The following PPARGC1B variants were observed in gnomAD, a reference collection of about 807,000 sequenced individuals.
PPARGC1B encodes PPARG coactivator 1 beta.
Under a neutral mutation model 101.6 loss-of-function variants are expected in PPARGC1B, and 34 were observed. That is an observed-to-expected ratio of 0.33 (90% CI 0.25 to 0.45). PPARGC1B has a LOEUF of 0.45. Ranked by LOEUF, PPARGC1B falls within the 20% of genes least tolerant of loss-of-function variation. PPARGC1B has a pLI of 1.00. For missense variants in PPARGC1B, 1,234 were observed against 1,317.6 expected, an observed-to-expected ratio of 0.94 and a Z score of 0.98; for synonymous variants, 548 against 539.3, an observed-to-expected ratio of 1.02 and a Z score of -0.22.
At chr5:149,813,506 A>G (rs1757938117) in intron 1 of PPARGC1B, among the ~76,000 whole-genome samples, 1 of 152,168 alleles carries the variant, frequency 6.6e-6, no homozygotes, top group Admixed American at 6.5e-5. Flanking sequence ...AGTTGACAGA[A>G]AAGAATTGGG....
intron 1 of PPARGC1B, among the ~76,000 whole-genome samples, chr5:149,757,784 G>T (rs1017854582): frequency 1.3e-5 from 2 of 152,360 alleles, no homozygotes; most frequent in East Asian, 1.9e-4. Context: ...CAGGGTCATG[G>T]TGCAGAGAAA....
At chr5:149,783,223 A>G (rs771658017) in intron 1 of PPARGC1B, among the ~76,000 whole-genome samples, 2 of 152,214 alleles carry the variant, frequency 1.3e-5, no homozygotes, top group African/African-American at 2.4e-5. Context: ...GCAGCCATCA[A>G]TGGAATGATA....
At chr5:149,755,575 G>A (rs1440633313) in intron 1 of PPARGC1B, among the ~76,000 whole-genome samples, 10 of 150,758 alleles carry the variant, frequency 6.6e-5, no homozygotes, top group Admixed American at 2.0e-4. Flanking sequence ...AGTCCTTCTT[G>A]TCTGCTGTAG....
intron 3 of PPARGC1B, among the ~76,000 whole-genome samples, chr5:149,828,659 A>G (rs1758623591): frequency 1.3e-5 from 2 of 152,274 alleles, no homozygotes; most frequent in Admixed American, 1.3e-4. Flanking sequence ...CATTCCCTAC[A>G]TGCTTATTGA....
At chr5:149,732,237 C>T (rs1477504893) in intron 1 of PPARGC1B, among the ~76,000 whole-genome samples, 3 of 152,168 alleles carry the variant, frequency 2.0e-5, no homozygotes, top group African/African-American at 7.2e-5. Context: ...TTGGGGCTAG[C>T]GGGCACTGAG....
intron 1 of PPARGC1B, among the ~76,000 whole-genome samples, chr5:149,819,422 A>G (rs191895196): frequency 6.6e-6 from 1 of 152,144 alleles, no homozygotes; most frequent in African/African-American, 2.4e-5. Context: ...GAGAACACAC[A>G]GATCTTCCTC....
At chr5:149,771,109 C>T (rs956794488) in intron 1 of PPARGC1B, among the ~76,000 whole-genome samples, 2 of 152,236 alleles carry the variant, frequency 1.3e-5, no homozygotes, top group East Asian at 1.9e-4. Flanking sequence ...GCAGGGTGAG[C>T]GTACAAATGG....
Position 149,832,985 on chromosome 5 carries a change from G to A in PPARGC1B, c.912G>A (p.Leu304=), listed in dbSNP as rs757717964. ...MHTYCLPQRK[L]PPQTPEPLPK... ...CCTACTGCCTCCCCCAGAGGAAGCT[G>A]CCCCCACAGACCCCTGAGCCACTCC... Residue 304 remains leucine (L), a synonymous_variant, in exon 5 of 12, where the codon CTG becomes CTA. Coordinates refer to ENST00000309241, the MANE Select transcript of PPARGC1B (RefSeq NM_133263.4). The surrounding 1 kb of genome is among the most constrained non-coding windows in gnomAD (Gnocchi z 4.9). The A allele has an allele frequency of 6.2e-6, 10 of 1,613,430 alleles. No individual in the cohort carries two copies. Among genetic ancestry groups the A allele is most frequent in the Non-Finnish European group, 8.5e-6 (10 of 1,179,992 alleles).
At chr5:149,750,453 A>AATATATACATAT in intron 1 of PPARGC1B, among the ~76,000 whole-genome samples, 1 of 123,232 alleles carries the variant, frequency 8.1e-6, no homozygotes, top group African/African-American at 3.1e-5. Flanking sequence ...TTTTAGTTAA[A>AATATATACATAT]ATATATATAT....
At chr5:149,840,933 G>A (rs892307057) in intron 9 of PPARGC1B, among the ~76,000 whole-genome samples, 6 of 152,096 alleles carry the variant, frequency 3.9e-5, no homozygotes, top group African/African-American at 7.3e-5. Context: ...CCTTAAAACC[G>A]TGGACTGTGC....
intron 1 of PPARGC1B, among the ~76,000 whole-genome samples, chr5:149,756,767 C>T (rs1318196113): frequency 1.3e-5 from 2 of 152,132 alleles, no homozygotes; most frequent in East Asian, 3.9e-4. Flanking sequence ...CCTCGTCCCC[C>T]AACAAGGGGT....
At chr5:149,731,763 G>A (rs1399839499) in intron 1 of PPARGC1B, among the ~76,000 whole-genome samples, 1 of 152,218 alleles carries the variant, frequency 6.6e-6, no homozygotes, top group Non-Finnish European at 1.5e-5. Context: ...ACGCGACTTG[G>A]AAGGGACGCC....
chr5:149,814,269 C>G (rs934095723), intron 1 of PPARGC1B, among the ~76,000 whole-genome samples: 2 of 152,244 alleles, frequency 1.3e-5, no homozygotes, highest in Non-Finnish European at 2.9e-5. Flanking sequence ...CCTTCCATCT[C>G]AAGACAGTCC....
chr5:149,750,995 T>C (rs1447122787), intron 1 of PPARGC1B, among the ~76,000 whole-genome samples: 1 of 97,988 alleles, frequency 1.0e-5, no homozygotes, highest in Non-Finnish European at 2.4e-5. Context: ...AATTCAAAAC[T>C]TAAATGTTTT....
At chr5:149,769,404 A>G (rs765701504) in intron 1 of PPARGC1B, among the ~76,000 whole-genome samples, 29 of 152,202 alleles carry the variant, frequency 1.9e-4, no homozygotes, top group Non-Finnish European at 3.8e-4. Context: ...CTTACAAATG[A>G]CAATGGCAAT....
chr5:149,803,584 C>T (rs961215484), intron 1 of PPARGC1B, among the ~76,000 whole-genome samples: 1 of 152,132 alleles, frequency 6.6e-6, no homozygotes, highest in Admixed American at 6.5e-5. Context: ...TTCCTCGCCT[C>T]CTGCCTGTTT....
At position 149,849,568 on chromosome 5, in the gene PPARGC1B, A is replaced by G. The variant is rs918539086; in HGVS notation, c.*2010A>G. ...CTGGATGTGCTATAAGAATCCTGAA[A>G]TCAGTGCTCTGGTAAGTCATTACTA... On this transcript the variant is annotated 3_prime_UTR_variant, in exon 12 of 12. Coordinates refer to ENST00000309241, the MANE Select transcript of PPARGC1B (RefSeq NM_133263.4). 7 of 152,332 alleles carry G rather than the reference A, an allele frequency of 4.6e-5. No homozygotes were observed. The highest frequency in any genetic ancestry group is 1.3e-4 in the Admixed American group (2 of 15,302). 9.4% of individuals were successfully genotyped at this position (152,332 alleles called of 1,614,324 possible). A position where few individuals can be genotyped will look rare whatever the true frequency, so the allele number is the denominator to read the frequency against.
chr5:149,792,918 C>T (rs1035327171), intron 1 of PPARGC1B, among the ~76,000 whole-genome samples: 6 of 151,958 alleles, frequency 3.9e-5, no homozygotes, highest in Admixed American at 2.0e-4. Flanking sequence ...ACTGGAGTCT[C>T]GTGTCTGTCC....
intron 1 of PPARGC1B, among the ~76,000 whole-genome samples, chr5:149,798,752 T>C (rs549193196): frequency 1.3e-5 from 2 of 152,340 alleles, no homozygotes; most frequent in Admixed American, 6.5e-5. Flanking sequence ...TTTGAGCACA[T>C]TGCTTACCAT....
Sources: gnomAD v4.1 joint callset for allele counts (sites outside exome capture counted in the v4.1 genomes callset) on GRCh38, gnomAD v4.1.1 for gene constraint, Gnocchi (gnomAD v3.1) non-coding constraint, MANE v1.5 for transcripts, NCBI Gene and HGNC (gene_info 2026-07-23, HGNC 2026-07-21) for gene names.